Variants in SSH2 observed in about 807,000 individuals in gnomAD.
SSH2 encodes the protein protein phosphatase Slingshot homolog 2.
A neutral mutation model predicts 135.2 loss-of-function variants in SSH2; 37 were observed. That is an observed-to-expected ratio of 0.27 (90% CI 0.21 to 0.36). The LOEUF (loss-of-function observed/expected upper bound fraction) is 0.36. Among genes scored for constraint, SSH2 ranks in the 10% least tolerant of loss-of-function variants. The pLI is 1.00. For missense variants in SSH2, 1,408 were observed against 1,765.3 expected (o/e 0.80, Z 3.63); for synonymous variants, 628 against 646.2 (o/e 0.97, Z 0.43).
intron 3 of SSH2, among the ~76,000 whole-genome samples, chr17:29,752,576 TATAAAATAACACTTTGAG>T (rs1375884734): frequency 1.3e-5 from 2 of 151,830 alleles, no homozygotes; most frequent in Admixed American, 1.3e-4. Flanking sequence ...CCAGAAAAAA[TATAAAATAACACTTTGAG>T]AATCCTGAGG....
chr17:29,925,580 A>G, intron 1 of SSH2: 1 of 398,318 alleles, frequency 2.5e-6, no homozygotes, highest in Non-Finnish European at 4.4e-6. Context: ...AATTAAAATT[A>G]GCTGGGCAGT....
intron 1 of SSH2, among the ~76,000 whole-genome samples, chr17:29,858,140 C>G (rs2065697381): frequency 1.3e-5 from 2 of 152,212 alleles, no homozygotes; most frequent in African/African-American, 4.8e-5. Context: ...ACATTCATTT[C>G]ATTGTTTCTG....
At chr17:29,882,573 G>A (rs2066158373) in intron 1 of SSH2, among the ~76,000 whole-genome samples, 1 of 58,118 alleles carries the variant, frequency 1.7e-5, no homozygotes, top group Non-Finnish European at 5.1e-5. Flanking sequence ...CCAAAATGGT[G>A]AAACCTCGTC....
At chr17:29,876,824 TAA>T (rs1374514591) in intron 1 of SSH2, among the ~76,000 whole-genome samples, 1 of 151,002 alleles carries the variant, frequency 6.6e-6, no homozygotes, top group Non-Finnish European at 1.5e-5. Context: ...ATTTCTTGAG[TAA>T]TACCCCACAT....
intron 3 of SSH2, among the ~76,000 whole-genome samples, chr17:29,715,880 A>C (rs897841910): frequency 2.0e-5 from 3 of 152,152 alleles, no homozygotes. Context: ...CGGGGCACTT[A>C]ACACCTCTGG....
rs752370130 is a variant in SSH2 at position 29,772,786 on chromosome 17, G to A, written c.188+21108C>T. On this transcript the variant is annotated intron_variant, in intron 3 of 15. Transcript: ENST00000540801. ...GGACATCAGAACTCCAGGCTCTCTG[G>A]ACTTGGGACTCCAGGCTCTCTGGAC... 2.3e-4 allele frequency among the ~76,000 whole-genome samples: 35 copies of A among 151,954 alleles called. No individual in the cohort carries two copies. In the South Asian group the frequency reaches 6.0e-3, roughly 26 times the overall value.
intron 5 of SSH2, among the ~76,000 whole-genome samples, chr17:29,691,905 G>A (rs550314618): frequency 3.3e-5 from 5 of 151,644 alleles, no homozygotes; most frequent in East Asian, 2.0e-4. Flanking sequence ...TTGGGAGGCC[G>A]AGATGGGCAG....
At chr17:29,775,871 A>C (rs769937725) in intron 3 of SSH2, 6 of 152,184 alleles carry the variant, frequency 3.9e-5, no homozygotes, top group Non-Finnish European at 7.3e-5. Flanking sequence ...GTTCCAGGGG[A>C]GATATCAGGC....
At chr17:29,917,387 T>G (rs943478121) in intron 1 of SSH2, among the ~76,000 whole-genome samples, 1 of 152,206 alleles carries the variant, frequency 6.6e-6, no homozygotes, top group Non-Finnish European at 1.5e-5. Context: ...CATGTACACA[T>G]TTGGTTTGTG....
intron 2 of SSH2, among the ~76,000 whole-genome samples, chr17:29,803,588 C>A (rs1198545758): frequency 6.6e-6 from 1 of 152,164 alleles, no homozygotes; most frequent in Non-Finnish European, 1.5e-5. Flanking sequence ...AAGTCCAACA[C>A]AGATTCAAGG....
At chr17:29,926,940 G>A (rs2067079035) in intron 1 of SSH2, among the ~76,000 whole-genome samples, 1 of 152,206 alleles carries the variant, frequency 6.6e-6, no homozygotes, top group South Asian at 2.1e-4. Flanking sequence ...AAAGATGGCA[G>A]ATTCTAAAGT....
rs77500774 is a variant in SSH2, at chr17:29,655,817, A to G, written c.1033-210T>C. On this transcript the variant is annotated intron_variant, in intron 11 of 15. Transcript: ENST00000540801. ...TTTTCATCTTCATTTTTACAGATAC[A>G]AAAACCAACTCATAGAATTCAAATA... 7.7e-3 allele frequency among the ~76,000 whole-genome samples: 1,174 copies of G among 152,338 alleles called. 20 individuals carry two copies. Among genetic ancestry groups the G allele is most frequent in the African/African-American group, 0.027 (1,115 of 41,574 alleles).
At chr17:29,922,221 TG>T (rs2066988369) in intron 1 of SSH2, among the ~76,000 whole-genome samples, 2 of 152,170 alleles carry the variant, frequency 1.3e-5, no homozygotes, top group African/African-American at 4.8e-5. Flanking sequence ...GGCAGGGACT[TG>T]GGAAGAGACA....
intron 14 of SSH2, among the ~76,000 whole-genome samples, chr17:29,640,095 T>G (rs1169485989): frequency 6.6e-6 from 1 of 151,906 alleles, no homozygotes; most frequent in Non-Finnish European, 1.5e-5. Flanking sequence ...TTTTTTTTTT[T>G]TGAGACGGAG....
At chr17:29,912,695 C>T (rs950457902) in intron 1 of SSH2, among the ~76,000 whole-genome samples, 5 of 152,180 alleles carry the variant, frequency 3.3e-5, no homozygotes, top group African/African-American at 1.2e-4. Flanking sequence ...CTTGCCACTA[C>T]ACCCCAGCCT....
At chr17:29,675,659 G>GCCTGTA (rs2037679652) in intron 8 of SSH2, among the ~76,000 whole-genome samples, 1 of 152,060 alleles carries the variant, frequency 6.6e-6, no homozygotes. Flanking sequence ...AAATTAGCCA[G>GCCTGTA]GTGTAGTGGC....
intron 3 of SSH2, among the ~76,000 whole-genome samples, chr17:29,742,285 C>CA (rs369177419): frequency 0.017 from 2,417 of 142,574 alleles, 69 homozygotes; most frequent in African/African-American, 0.053. Flanking sequence ...ACCAAACAAA[C>CA]AAAAAAAAAA....
chr17:29,809,129 C>G (rs1036418662), intron 2 of SSH2, among the ~76,000 whole-genome samples: 1 of 152,156 alleles, frequency 6.6e-6, no homozygotes, highest in East Asian at 1.9e-4. Context: ...TGGCACACGC[C>G]TGTAGTCCCA....
At position 29,628,989 on chromosome 17, in the gene SSH2, T is replaced by G. The variant is rs2035576963; in HGVS notation, c.*1852A>C. 1 of 152,416 alleles carries G rather than the reference T, an allele frequency of 6.6e-6. No individual in the cohort carries two copies. Among genetic ancestry groups the G allele is most frequent in the African/African-American group, 2.4e-5 (1 of 41,470 alleles). The allele number at this position is 152,416 out of a possible 1,614,324, so 9.4% of individuals were successfully genotyped here. A position where few individuals can be genotyped will look rare whatever the true frequency, so the allele number is the denominator to read the frequency against. ...ATCATGCTGACAGTCTGTGCATTTG[T>G]ATTTTCCTCAGTGCTGTGATAAGCC... On this transcript the variant is annotated 3_prime_UTR_variant, in exon 16 of 16. Coordinates refer to ENST00000540801, the MANE Select transcript of SSH2 (RefSeq NM_001282129.2).
Sources: gnomAD v4.1 joint callset for allele counts (sites outside exome capture counted in the v4.1 genomes callset) on GRCh38, gnomAD v4.1.1 for gene constraint, MANE v1.5 for transcripts, NCBI Gene and HGNC (gene_info 2026-07-23, HGNC 2026-07-21) for gene names.